Variants in NXPH1 observed in about 807,000 individuals in gnomAD.
NXPH1 encodes the protein neurexophilin 1, also known as neurexophilin-1.
A neutral mutation model predicts 23.7 loss-of-function variants in NXPH1; 5 were observed. That is an observed-to-expected ratio of 0.21 (90% CI 0.11 to 0.44). The LOEUF is 0.44. NXPH1 is among the 20% of genes least tolerant of loss of function. NXPH1 has a pLI of 0.99. For missense variants in NXPH1, 324 were observed against 321.6 expected, an observed-to-expected ratio of 1.01 and a Z score of -0.06; for synonymous variants, 144 against 122.2, an observed-to-expected ratio of 1.18 and a Z score of -1.18.
chr7:8,444,505 C>T (rs895703819), intron 2 of NXPH1, among the ~76,000 whole-genome samples: 19 of 152,204 alleles, frequency 1.2e-4, no homozygotes, highest in Admixed American at 6.5e-5. Context: ...TCCCATTTCT[C>T]CTCTCTTCCG....
At chr7:8,687,337 C>G (rs554967187) in intron 2 of NXPH1, among the ~76,000 whole-genome samples, 71 of 152,194 alleles carry the variant, frequency 4.7e-4, no homozygotes, top group Middle Eastern at 3.4e-3. Flanking sequence ...ACATGAGACA[C>G]AGAGAATCCA....
intron 2 of NXPH1, among the ~76,000 whole-genome samples, chr7:8,511,359 CT>C (rs1817608456): frequency 6.6e-6 from 1 of 152,112 alleles, no homozygotes; most frequent in Admixed American, 6.5e-5. Flanking sequence ...TTTGCATTTC[CT>C]TTCTGCATGT....
rs182312455 is a variant in NXPH1 at position 8,458,894 on chromosome 7, A to G, written c.54+23127A>G. Among the ~76,000 whole-genome samples, 70 of 152,302 alleles carry G rather than the reference A, an allele frequency of 4.6e-4. 1 individual carries two copies. The highest frequency in any genetic ancestry group is 3.4e-3 in the Middle Eastern group (1 of 294). On this transcript the variant is annotated intron_variant, in intron 2 of 2. Coordinates refer to ENST00000405863, the MANE Select transcript of NXPH1 (RefSeq NM_152745.3). ...TCACTTTACACAACTGTTTGAAAAGATCCCTCCTGGCATGGAAATAGAATT... is the reference window on the plus strand; with the variant it reads ...TCACTTTACACAACTGTTTGAAAAGGTCCCTCCTGGCATGGAAATAGAATT...
In NXPH1 at chr7:8,752,077, A is replaced by G; in HGVS notation, c.*308A>G. On this transcript the variant is annotated 3_prime_UTR_variant, in exon 3 of 3. Coordinates refer to ENST00000405863, the MANE Select transcript of NXPH1 (RefSeq NM_152745.3). Reference sequence around the variant, plus strand: ...CTTGCGTCTATCATGATTCCTGTTGAGAGGGCTTTCATTGTCTGACTCATA... The same window carrying G: ...CTTGCGTCTATCATGATTCCTGTTGGGAGGGCTTTCATTGTCTGACTCATA... The G allele has an allele frequency of 3.8e-6, 1 of 263,890 alleles. No individual in the cohort carries two copies. The highest frequency in any genetic ancestry group is 4.8e-5 in the Admixed American group (1 of 21,044). The allele number at this position is 263,890 out of a possible 1,614,324, so 16.3% of individuals were successfully genotyped here. A position where few individuals can be genotyped will look rare whatever the true frequency, so the allele number is the denominator to read the frequency against.
chr7:8,702,712 T>A (rs1483102201), intron 2 of NXPH1, among the ~76,000 whole-genome samples: 1 of 151,850 alleles, frequency 6.6e-6, no homozygotes, highest in African/African-American at 2.4e-5. Flanking sequence ...ACATTATGCC[T>A]CCTGCTAGGA....
intron 2 of NXPH1, among the ~76,000 whole-genome samples, chr7:8,538,231 GGCTGGTGA>G (rs1818059576): frequency 6.6e-6 from 1 of 151,842 alleles, no homozygotes; most frequent in Admixed American, 6.6e-5. Flanking sequence ...CCAAATATCT[GGCTGGTGA>G]CTGGCAAAGC....
chr7:8,621,335 G>A (rs969361182), intron 2 of NXPH1, among the ~76,000 whole-genome samples: 1 of 152,140 alleles, frequency 6.6e-6, no homozygotes, highest in African/African-American at 2.4e-5. Flanking sequence ...TGGTGTTTGA[G>A]GAAGGTAGTG....
At chr7:8,626,505 T>C (rs1008919877) in intron 2 of NXPH1, among the ~76,000 whole-genome samples, 5 of 152,002 alleles carry the variant, frequency 3.3e-5, no homozygotes, top group East Asian at 1.9e-4. Flanking sequence ...GGGACTCCTT[T>C]CCAAGCACTT....
intron 2 of NXPH1, among the ~76,000 whole-genome samples, chr7:8,602,434 T>G (rs1275463152): frequency 1.3e-5 from 2 of 152,186 alleles, no homozygotes; most frequent in African/African-American, 4.8e-5. Context: ...TACTTTGGTC[T>G]CTGACATATG....
At chr7:8,593,357 G>A (rs1326774723) in intron 2 of NXPH1, among the ~76,000 whole-genome samples, 1 of 151,702 alleles carries the variant, frequency 6.6e-6, no homozygotes, top group African/African-American at 2.4e-5. Context: ...TTAAAGCAGG[G>A]CCCTGAAAAC....
intron 2 of NXPH1, among the ~76,000 whole-genome samples, chr7:8,461,860 A>C (rs890365796): frequency 1.3e-5 from 2 of 149,928 alleles, no homozygotes; most frequent in African/African-American, 4.9e-5. Flanking sequence ...AAGAATAAAC[A>C]CACAAGTGCA....
chr7:8,561,428 C>T (rs553471067), intron 2 of NXPH1, among the ~76,000 whole-genome samples: 62 of 151,386 alleles, frequency 4.1e-4, no homozygotes, highest in Middle Eastern at 6.8e-3. Context: ...CTCCTTCCCT[C>T]CTCTGGGCTG....
At chr7:8,599,785 C>T (rs896980434) in intron 2 of NXPH1, among the ~76,000 whole-genome samples, 23 of 149,224 alleles carry the variant, frequency 1.5e-4, no homozygotes, top group African/African-American at 4.2e-4. Context: ...AACTTGTGCC[C>T]ATGTTACCCT....
intron 2 of NXPH1, among the ~76,000 whole-genome samples, chr7:8,542,848 T>C (rs924592752): frequency 4.0e-5 from 6 of 151,540 alleles, no homozygotes; most frequent in Admixed American, 2.0e-4. Context: ...CAAAATAATG[T>C]GGGTACTATG....
intron 2 of NXPH1, among the ~76,000 whole-genome samples, chr7:8,561,251 C>A (rs1020805883): frequency 1.3e-5 from 2 of 151,016 alleles, no homozygotes; most frequent in Non-Finnish European, 3.0e-5. Context: ...TGAGGGAGAA[C>A]CGCTCACAAC....
chr7:8,475,702 T>C (rs904059457), intron 2 of NXPH1, among the ~76,000 whole-genome samples: 2 of 152,170 alleles, frequency 1.3e-5, no homozygotes, highest in African/African-American at 4.8e-5. Context: ...ATGCTAGTGT[T>C]TTCTAATTTT....
intron 2 of NXPH1, among the ~76,000 whole-genome samples, chr7:8,707,091 A>G (rs1779717234): frequency 6.6e-6 from 1 of 152,224 alleles, no homozygotes; most frequent in East Asian, 1.9e-4. Context: ...ATGATTATTG[A>G]CTATATTAGT....
intron 2 of NXPH1, among the ~76,000 whole-genome samples, chr7:8,733,727 TA>T (rs1333725344): frequency 1.3e-5 from 2 of 152,086 alleles, no homozygotes; most frequent in Admixed American, 6.5e-5. Flanking sequence ...TTGATGGGAT[TA>T]TTTTTTTCTT....
rs577966744 is a variant in NXPH1 at position 8,710,296 on chromosome 7, C to T, written c.55-40712C>T. Among the ~76,000 whole-genome samples, 4 of 152,286 alleles carry T rather than the reference C, an allele frequency of 2.6e-5. No homozygotes were observed. The East Asian group carries it at 7.7e-4, about 29-fold the overall frequency. ...CTGATTTTCATTAAAAGCTCAAAGTCCCTGCTGTTAAAATGTCTCCAGGCA... is the reference window on the plus strand; with the variant it reads ...CTGATTTTCATTAAAAGCTCAAAGTTCCTGCTGTTAAAATGTCTCCAGGCA... On this transcript the variant is annotated intron_variant, in intron 2 of 2. Transcript: ENST00000405863.
Sources: gnomAD v4.1 joint callset for allele counts (sites outside exome capture counted in the v4.1 genomes callset) on GRCh38, gnomAD v4.1.1 for gene constraint, MANE v1.5 for transcripts, NCBI Gene and HGNC (gene_info 2026-07-23, HGNC 2026-07-21) for gene names.